CADPS2: variants seen among roughly 807,000 people sequenced by gnomAD.
CADPS2 encodes the protein calcium-dependent secretion activator 2.
In CADPS2, 93 loss-of-function variants were observed where a neutral mutation model predicts 172.5. The ratio of observed to expected loss-of-function variants is 0.54; its 90% CI spans 0.46 to 0.64. The LOEUF (loss-of-function observed/expected upper bound fraction) is 0.64, where lower values mean the gene tolerates loss of function less well. CADPS2 is among the 30% of genes least tolerant of loss of function. CADPS2 has a pLI of 0.00. For missense variants in CADPS2, 1,420 were observed against 1,565.9 expected (o/e 0.91, Z 1.57); for synonymous variants, 546 against 555.2 (o/e 0.98, Z 0.23).
intron 17 of CADPS2, among the ~76,000 whole-genome samples, chr7:122,432,733 T>G (rs1357712803): frequency 6.6e-6 from 1 of 151,102 alleles, no homozygotes; most frequent in Non-Finnish European, 1.5e-5. Context: ...GAATTTTGGG[T>G]ACAGCTTTAC....
At chr7:122,856,017 G>C (rs1281470691) in intron 1 of CADPS2, among the ~76,000 whole-genome samples, 3 of 152,182 alleles carry the variant, frequency 2.0e-5, no homozygotes, top group Non-Finnish European at 4.4e-5. Flanking sequence ...AAGTGTCTCT[G>C]TGATGGAGCC....
At chr7:122,875,235 C>A (rs777027603) in intron 1 of CADPS2, among the ~76,000 whole-genome samples, 1 of 152,150 alleles carries the variant, frequency 6.6e-6, no homozygotes, top group Admixed American at 6.5e-5. Context: ...TTCAATCTCT[C>A]TGATAAACTC....
chr7:122,561,988 T>C (rs1313173452), intron 7 of CADPS2, among the ~76,000 whole-genome samples: 1 of 152,162 alleles, frequency 6.6e-6, no homozygotes, highest in East Asian at 1.9e-4. Context: ...AATACTTCAC[T>C]GTGGTGAAAA....
At chr7:122,815,986 C>T (rs1801260322) in intron 1 of CADPS2, among the ~76,000 whole-genome samples, 1 of 151,972 alleles carries the variant, frequency 6.6e-6, no homozygotes, top group African/African-American at 2.4e-5. Flanking sequence ...TTAGGATATC[C>T]ATCATCTCAG....
chr7:122,811,759 G>A (rs1485518248), intron 1 of CADPS2, among the ~76,000 whole-genome samples: 5 of 151,984 alleles, frequency 3.3e-5, no homozygotes, highest in Non-Finnish European at 7.4e-5. Context: ...CTATGTCATA[G>A]TTACCTAAGT....
chr7:122,499,328 C>T (rs750501815), intron 9 of CADPS2, among the ~76,000 whole-genome samples: 4 of 152,196 alleles, frequency 2.6e-5, no homozygotes, highest in Non-Finnish European at 5.9e-5. Context: ...ATCTCAAGTG[C>T]CTACCTAACA....
chr7:122,746,653 A>T (rs1033796213), intron 1 of CADPS2, among the ~76,000 whole-genome samples: 1 of 151,988 alleles, frequency 6.6e-6, no homozygotes, highest in African/African-American at 2.4e-5. Flanking sequence ...ACACACACAC[A>T]CACACACCCT....
intron 6 of CADPS2, among the ~76,000 whole-genome samples, chr7:122,585,003 T>TA (rs2069434195): frequency 6.6e-6 from 1 of 151,908 alleles, no homozygotes; most frequent in Non-Finnish European, 1.5e-5. Context: ...AGGTTCTACT[T>TA]ACAAGGTTTA....
intron 1 of CADPS2, among the ~76,000 whole-genome samples, chr7:122,774,183 G>A (rs2093795379): frequency 6.6e-6 from 1 of 151,314 alleles, no homozygotes; most frequent in South Asian, 2.1e-4. Context: ...ATTATTGAAA[G>A]TTGATTTTGA....
At chr7:122,781,687 A>G (rs1792777773) in intron 1 of CADPS2, among the ~76,000 whole-genome samples, 1 of 152,174 alleles carries the variant, frequency 6.6e-6, no homozygotes, top group Non-Finnish European at 1.5e-5. Flanking sequence ...ACAAGAATAT[A>G]TTTCTAAATT....
chr7:122,769,097 AAGTG>A (rs1051112788), intron 1 of CADPS2, among the ~76,000 whole-genome samples: 6 of 152,224 alleles, frequency 3.9e-5, no homozygotes, highest in African/African-American at 1.2e-4. Context: ...AGAATCAAGT[AAGTG>A]AGTAAGACAA....
intron 28 of CADPS2, among the ~76,000 whole-genome samples, chr7:122,326,374 T>C (rs1199442263): frequency 6.6e-6 from 1 of 152,122 alleles, no homozygotes; most frequent in African/African-American, 2.4e-5. Flanking sequence ...TCTGCTCCTA[T>C]ATGTCTGTCA....
At chr7:122,836,924 G>A (rs57776589) in intron 1 of CADPS2, among the ~76,000 whole-genome samples, 2,361 of 152,116 alleles carry the variant, frequency 0.016, 55 homozygotes, top group African/African-American at 0.053. Flanking sequence ...TGCACCAAGC[G>A]GACCTAATAG....
At chr7:122,573,313 G>T (rs1268839474) in intron 7 of CADPS2, among the ~76,000 whole-genome samples, 1 of 152,096 alleles carries the variant, frequency 6.6e-6, no homozygotes, top group Non-Finnish European at 1.5e-5. Context: ...AGGTTGGGAT[G>T]GGAGGATCAC....
intron 1 of CADPS2, among the ~76,000 whole-genome samples, chr7:122,816,985 T>C: frequency 1.4e-5 from 2 of 144,958 alleles, no homozygotes; most frequent in African/African-American, 5.3e-5. Flanking sequence ...CGACCCCCAC[T>C]CCTGCCCGCC....
intron 10 of CADPS2, among the ~76,000 whole-genome samples, chr7:122,491,015 C>T (rs960605497): frequency 9.2e-5 from 14 of 152,094 alleles, no homozygotes; most frequent in African/African-American, 3.4e-4. Flanking sequence ...ATAACTTTTG[C>T]TTTCCCGCAA....
intron 1 of CADPS2, among the ~76,000 whole-genome samples, chr7:122,866,943 C>T (rs1387539855): frequency 3.9e-5 from 6 of 152,186 alleles, no homozygotes; most frequent in African/African-American, 1.4e-4. Context: ...CTTCTCACAT[C>T]ATGCTAGCCA....
intron 1 of CADPS2, among the ~76,000 whole-genome samples, chr7:122,762,397 G>A (rs953815282): frequency 6.6e-6 from 1 of 152,068 alleles, no homozygotes; most frequent in African/African-American, 2.4e-5. Context: ...AATTAAGAAT[G>A]CTGAGTTCCC....
intron 8 of CADPS2, among the ~76,000 whole-genome samples, chr7:122,527,383 A>G (rs1378415487): frequency 1.3e-5 from 2 of 148,496 alleles, no homozygotes; most frequent in Non-Finnish European, 3.0e-5. Flanking sequence ...AGATCTCAAA[A>G]TGCTACCAGA....
Sources: allele counts gnomAD v4.1 joint callset (sites outside exome capture counted in the v4.1 genomes callset), GRCh38; gene constraint gnomAD v4.1.1; transcripts MANE v1.5; gene names NCBI Gene and HGNC (gene_info 2026-07-23, HGNC 2026-07-21).